The following RIPOR2 variants were observed in gnomAD, a reference collection of about 807,000 sequenced individuals.
RIPOR2 encodes the protein rho family-interacting cell polarization regulator 2.
In RIPOR2, 39 loss-of-function variants were observed where a neutral mutation model predicts 114.5. The observed-to-expected ratio is 0.34, with a 90% CI of 0.26 to 0.44. RIPOR2 has a LOEUF of 0.44. RIPOR2 is among the 20% of genes least tolerant of loss of function. RIPOR2 has a pLI of 1.00. For synonymous variants in RIPOR2, 445 were observed against 484.4 expected (o/e 0.92, Z 1.07); for missense variants, 1,007 against 1,255.1 (o/e 0.80, Z 2.99).
chr6:25,026,998 C>T (rs547664591), intron 1 of RIPOR2, among the ~76,000 whole-genome samples: 1 of 152,180 alleles, frequency 6.6e-6, no homozygotes, highest in Non-Finnish European at 1.5e-5. Flanking sequence ...CAAGTCCTGA[C>T]ACAGCAAGGC....
At position 24,933,432 on chromosome 6, in the gene RIPOR2, C is replaced by A. The variant is rs145281850; in HGVS notation, c.61+2406G>T. ...AGACCGTGCAATTCCAGAGCTGAAG[C>A]TTTTGACTGTTACCCCACACAGAGC... On this transcript the variant is annotated intron_variant, in intron 1 of 21. Transcript: ENST00000643898. 3.3e-5 allele frequency among the ~76,000 whole-genome samples: 5 copies of A among 152,272 alleles called. No individual in the cohort carries two copies. In the East Asian group the frequency reaches 5.8e-4, roughly 18 times the overall value.
chr6:24,995,964 G>A (rs374237478), intron 1 of RIPOR2, among the ~76,000 whole-genome samples: 25 of 151,950 alleles, frequency 1.6e-4, no homozygotes, highest in East Asian at 1.2e-3. Flanking sequence ...CACCACACCC[G>A]GCTAATTTTT....
chr6:25,017,121 C>T (rs901285543), intron 1 of RIPOR2, among the ~76,000 whole-genome samples: 1 of 152,142 alleles, frequency 6.6e-6, no homozygotes, highest in African/African-American at 2.4e-5. Context: ...GGGTGGATCA[C>T]CTGAGGTCAG....
intron 1 of RIPOR2, among the ~76,000 whole-genome samples, chr6:25,035,769 C>T (rs929689804): frequency 6.6e-6 from 1 of 152,196 alleles, no homozygotes; most frequent in Non-Finnish European, 1.5e-5. Flanking sequence ...CAGGGGCCAT[C>T]TGCAGAGTGG....
intron 1 of RIPOR2, among the ~76,000 whole-genome samples, chr6:24,965,149 TA>T (rs1282892640): frequency 7.9e-5 from 12 of 151,462 alleles, no homozygotes; most frequent in Admixed American, 3.9e-4. Context: ...TTATTTTTTT[TA>T]TTTTATTTTT....
rs576759791 is a variant in RIPOR2, at chr6:24,839,373, C to T, written c.1858-101G>A. ...AGATGCCACACTTTTTTTTTTGTTT[C>T]AAGTTTTTATTTTTTGTTAGCATTT... On this transcript the variant is annotated intron_variant, in intron 13 of 21. Transcript: ENST00000643898. 103 of 1,440,452 alleles carry T rather than the reference C, an allele frequency of 7.2e-5. 1 individual carries two copies. In the East Asian group the frequency reaches 2.3e-3, roughly 32 times the overall value. 89.2% of individuals were successfully genotyped at this position (1,440,452 alleles called of 1,614,324 possible). A position where few individuals can be genotyped will look rare whatever the true frequency, so the allele number is the denominator to read the frequency against.
chr6:24,942,284 C>A (rs1772175691), intron 1 of RIPOR2, among the ~76,000 whole-genome samples: 2 of 152,096 alleles, frequency 1.3e-5, no homozygotes, highest in Non-Finnish European at 2.9e-5. Flanking sequence ...CGAGTTGATA[C>A]TATGGGATCA....
chr6:24,932,565 G>A (rs1035790625), intron 1 of RIPOR2, among the ~76,000 whole-genome samples: 8 of 152,138 alleles, frequency 5.3e-5, no homozygotes, highest in African/African-American at 1.4e-4. Flanking sequence ...AATTGCTGAA[G>A]CAAACAGGAT....
intron 1 of RIPOR2, among the ~76,000 whole-genome samples, chr6:24,892,014 ACC>A (rs1767415446): frequency 6.6e-6 from 1 of 151,848 alleles, no homozygotes; most frequent in African/African-American, 2.4e-5. Flanking sequence ...GCGTGCCGCC[ACC>A]CCCAGCTAAT....
intron 1 of RIPOR2, among the ~76,000 whole-genome samples, chr6:24,929,921 A>T (rs772037378): frequency 1.4e-4 from 21 of 152,154 alleles, no homozygotes; most frequent in African/African-American, 3.4e-4. Context: ...AAAAAAAATT[A>T]AAAAATTAGC....
At chr6:24,855,372 A>ATT (rs574397496) in intron 8 of RIPOR2, among the ~76,000 whole-genome samples, 4 of 95,062 alleles carry the variant, frequency 4.2e-5, no homozygotes, top group African/African-American at 1.3e-4. Context: ...ATATGACTTT[A>ATT]TTTTTTTTTT....
intron 12 of RIPOR2, among the ~76,000 whole-genome samples, chr6:24,846,904 T>C (rs1290090526): frequency 1.3e-5 from 2 of 152,220 alleles, no homozygotes; most frequent in Non-Finnish European, 2.9e-5. Flanking sequence ...CAAATAGAAG[T>C]AGCTCTAGTA....
chr6:24,832,175 G>A, intron 16 of RIPOR2, 81 bp downstream of exon 16: 1 of 1,314,230 alleles, frequency 7.6e-7, no homozygotes, highest in South Asian at 1.4e-5. Flanking sequence ...TTCCAACAAA[G>A]CAATGAACAT....
intron 8 of RIPOR2, among the ~76,000 whole-genome samples, chr6:24,853,827 A>C (rs958722207): frequency 9.2e-5 from 14 of 152,182 alleles, no homozygotes; most frequent in Admixed American, 2.0e-4. Flanking sequence ...CTATATGAAA[A>C]GACACAAGGC....
intron 1 of RIPOR2, among the ~76,000 whole-genome samples, chr6:24,925,499 C>A (rs553048327): frequency 6.6e-6 from 1 of 152,008 alleles, no homozygotes; most frequent in Admixed American, 6.6e-5. Flanking sequence ...GTCAAGAGAT[C>A]GAGATCATCC....
At chr6:25,021,335 C>CTCAG (rs1554132159) in intron 1 of RIPOR2, among the ~76,000 whole-genome samples, 1 of 151,536 alleles carries the variant, frequency 6.6e-6, no homozygotes, top group Non-Finnish European at 1.5e-5. Flanking sequence ...AGGAGACCAG[C>CTCAG]TCTAAGAAGA....
intron 11 of RIPOR2, among the ~76,000 whole-genome samples, chr6:24,848,665 C>T (rs1762556361): frequency 6.6e-6 from 1 of 152,172 alleles, no homozygotes; most frequent in Admixed American, 6.5e-5. Context: ...CACTTAACAT[C>T]ATGGCACCCG....
At chr6:24,944,317 G>A (rs377478980) in intron 1 of RIPOR2, among the ~76,000 whole-genome samples, 2 of 152,128 alleles carry the variant, frequency 1.3e-5, no homozygotes, top group African/African-American at 4.8e-5. Context: ...AAGACTGCAA[G>A]ATTTATTGGT....
chr6:24,875,030 T>G (rs532294536), intron 2 of RIPOR2, among the ~76,000 whole-genome samples: 135 of 152,262 alleles, frequency 8.9e-4, no homozygotes, highest in Admixed American at 3.0e-3. Context: ...AGCCGAGACC[T>G]CCGAGGCCGG....
Sources: allele counts gnomAD v4.1 joint callset (sites outside exome capture counted in the v4.1 genomes callset), GRCh38; gene constraint gnomAD v4.1.1; transcripts MANE v1.5; gene names NCBI Gene and HGNC (gene_info 2026-07-23, HGNC 2026-07-21).